METTL15: variants seen among roughly 807,000 people sequenced by gnomAD.
METTL15 encodes the protein 12S rRNA N(4)-cytidine methyltransferase METTL15.
In METTL15, 34 loss-of-function variants were observed where a neutral mutation model predicts 38.3. The ratio of observed to expected loss-of-function variants is 0.89; its 90% CI spans 0.68 to 1.18. METTL15 has a LOEUF of 1.18. Among genes scored for constraint, METTL15 ranks in the 50% most tolerant of loss-of-function variants. METTL15 has a pLI of 0.00. For synonymous variants in METTL15, 162 were observed against 170.9 expected, an observed-to-expected ratio of 0.95 and a Z score of 0.41; for missense variants, 438 against 498.4, an observed-to-expected ratio of 0.88 and a Z score of 1.15.
chr11:28,508,948 T>C (rs1461699980), intron 6 of METTL15, among the ~76,000 whole-genome samples: 1 of 152,260 alleles, frequency 6.6e-6, no homozygotes, highest in African/African-American at 2.4e-5. Flanking sequence ...AATGTTAACC[T>C]ACAGACTGAC....
chr11:28,329,850 C>T (rs550988319), intron 6 of METTL15, among the ~76,000 whole-genome samples: 21 of 152,186 alleles, frequency 1.4e-4, no homozygotes, highest in African/African-American at 5.1e-4. Flanking sequence ...TAGCCTTCTT[C>T]GTAAACAGAG....
intron 5 of METTL15, among the ~76,000 whole-genome samples, chr11:28,370,418 C>A (rs1232434207): frequency 6.6e-6 from 1 of 151,872 alleles, no homozygotes; most frequent in African/African-American, 2.4e-5. Context: ...GAATAATATT[C>A]CATGATGTCT....
intron 3 of METTL15, among the ~76,000 whole-genome samples, chr11:28,173,279 AG>A (rs929936650): frequency 6.6e-6 from 1 of 152,114 alleles, no homozygotes; most frequent in Non-Finnish European, 1.5e-5. Context: ...GGAGGTGATT[AG>A]GGCATGAGGG....
intron 6 of METTL15, among the ~76,000 whole-genome samples, chr11:28,520,180 T>C (rs1238764860): frequency 1.3e-5 from 2 of 151,828 alleles, no homozygotes; most frequent in African/African-American, 2.4e-5. Flanking sequence ...TCTCCACAAA[T>C]AGGAAAAGTG....
At chr11:28,336,900 C>G (rs1330938632), downstream of METTL15, among the ~76,000 whole-genome samples, 3 of 151,862 alleles carry the variant, frequency 2.0e-5, no homozygotes, top group Admixed American at 6.6e-5. Context: ...AGGAGGTATT[C>G]CAGAAGAAGG....
intron 4 of METTL15, among the ~76,000 whole-genome samples, chr11:28,237,479 TG>T (rs1469722021): frequency 2.0e-5 from 3 of 152,176 alleles, no homozygotes; most frequent in Admixed American, 2.0e-4. Context: ...TTCTCTGTAT[TG>T]GTTATTCTAG....
intron 5 of METTL15, chr11:28,398,923 T>A (rs1850602339): frequency 6.6e-6 from 1 of 152,028 alleles, no homozygotes; most frequent in African/African-American, 2.4e-5. Flanking sequence ...ACCATTGACT[T>A]TCTTCACAGA....
At chr11:28,257,177 T>A (rs1855006376) in intron 4 of METTL15, among the ~76,000 whole-genome samples, 1 of 152,168 alleles carries the variant, frequency 6.6e-6, no homozygotes, top group Admixed American at 6.5e-5. Context: ...GATAAAATAT[T>A]TTTTTCTTTC....
rs1224275120 is a variant in METTL15, at chr11:28,368,797, T to A, written c.*358+6761T>A. 4.6e-5 allele frequency among the ~76,000 whole-genome samples: 7 copies of A among 152,278 alleles called. No individual in the cohort carries two copies. The South Asian group carries it at 1.0e-3, about 23-fold the overall frequency. ...GACTGGATAAAGAAAATGTGGCATG[T>A]ATACACCATGGAATACTATGCAGCC... On this transcript the variant is annotated intron_variant and NMD_transcript_variant, in intron 5 of 7. Coordinates refer to the METTL15 transcript ENST00000532947.
At chr11:28,240,121 T>C (rs928655580) in intron 4 of METTL15, among the ~76,000 whole-genome samples, 1 of 152,182 alleles carries the variant, frequency 6.6e-6, no homozygotes, top group African/African-American at 2.4e-5. Context: ...CTATAAATGA[T>C]GCAGTTGCAA....
At chr11:28,430,146 A>C (rs1850904392) in intron 6 of METTL15, among the ~76,000 whole-genome samples, 1 of 150,976 alleles carries the variant, frequency 6.6e-6, no homozygotes, top group South Asian at 2.1e-4. Flanking sequence ...AGAAGTGAGG[A>C]GCCCCTCCGC....
chr11:28,292,349 A>G (rs915347801), intron 5 of METTL15, among the ~76,000 whole-genome samples: 4 of 151,354 alleles, frequency 2.6e-5, no homozygotes, highest in African/African-American at 9.7e-5. Context: ...GAGAATGATG[A>G]TTTCCAGCTT....
chr11:28,494,103 CAAATT>C (rs1851517809), intron 6 of METTL15, among the ~76,000 whole-genome samples: 1 of 152,140 alleles, frequency 6.6e-6, no homozygotes, highest in Non-Finnish European at 1.5e-5. Flanking sequence ...ATTTAGCAAA[CAAATT>C]AGGATGAAAG....
At chr11:28,359,031 C>T (rs1159438260) in intron 4 of METTL15, among the ~76,000 whole-genome samples, 3 of 152,044 alleles carry the variant, frequency 2.0e-5, no homozygotes, top group East Asian at 1.9e-4. Context: ...TCCTGTCACC[C>T]AGGTAGTGAG....
chr11:28,472,170 G>C (rs1040609124), intron 6 of METTL15, among the ~76,000 whole-genome samples: 2 of 152,108 alleles, frequency 1.3e-5, no homozygotes, highest in African/African-American at 4.8e-5. Context: ...GCACATGGAG[G>C]TGTTAACTAG....
chr11:28,110,664 G>T (rs996363176), intron 2 of METTL15, among the ~76,000 whole-genome samples: 1 of 152,044 alleles, frequency 6.6e-6, no homozygotes, highest in Non-Finnish European at 1.5e-5. Flanking sequence ...TGTGCCAGCC[G>T]CCACGTCGCG....
chr11:28,138,904 A>G (rs542650907), intron 3 of METTL15, among the ~76,000 whole-genome samples: 2 of 152,286 alleles, frequency 1.3e-5, no homozygotes, highest in African/African-American at 4.8e-5. Context: ...ATGGAACCAT[A>G]CAGGAAGACA....
In METTL15 at chr11:28,504,305, C is replaced by T. The variant is rs1016107507; in HGVS notation, c.*425-22173C>T. ...AAATGCATGAAGCATGTTGAACATA[C>T]TACAACTTGAGCTAGTAGGGCTGGG... On this transcript the variant is annotated intron_variant and NMD_transcript_variant, in intron 6 of 7. Coordinates refer to the METTL15 transcript ENST00000532947. 6.6e-5 allele frequency among the ~76,000 whole-genome samples: 10 copies of T among 150,884 alleles called. No individual in the cohort carries two copies. In the East Asian group the frequency reaches 2.0e-3, roughly 30 times the overall value.
At chr11:28,137,168 C>G (rs145463201) in intron 3 of METTL15, among the ~76,000 whole-genome samples, 2 of 152,254 alleles carry the variant, frequency 1.3e-5, no homozygotes, top group African/African-American at 4.8e-5. Context: ...TGTTGTACTT[C>G]TATTTCAATG....
Sources: allele counts gnomAD v4.1 joint callset (sites outside exome capture counted in the v4.1 genomes callset), GRCh38; gene constraint gnomAD v4.1.1; transcripts MANE v1.5; gene names NCBI Gene and HGNC (gene_info 2026-07-23, HGNC 2026-07-21).